Variants in HSPA12B observed in about 807,000 individuals in gnomAD.
The protein encoded by HSPA12B is heat shock protein family A (Hsp70) member 12B, also known as heat shock 70 kDa protein 12B.
Under a neutral mutation model 69.3 loss-of-function variants are expected in HSPA12B, and 54 were observed. That is an observed-to-expected ratio of 0.78 (90% confidence interval 0.63 to 0.98). The LOEUF (loss-of-function observed/expected upper bound fraction) is 0.98. Ranked by LOEUF, HSPA12B falls within the 50% of genes least tolerant of loss-of-function variation. HSPA12B has a pLI of 0.00. For missense variants in HSPA12B, 929 were observed against 999.8 expected (o/e 0.93, Z 0.96); for synonymous variants, 441 against 436.5 (o/e 1.01, Z -0.13).
Position 3,752,029 on chromosome 20 carries a change from G to A in HSPA12B, c.1924G>A (p.Asp642Asn). 1.5e-5 allele frequency: 23 copies of A among 1,557,206 alleles called. No individual in the cohort carries two copies. Among genetic ancestry groups the A allele is most frequent in the Non-Finnish European group, 2.0e-5 (23 of 1,156,856 alleles). Reference sequence around the variant, plus strand: ...GCTTGAGCCCGCCGACTGCGGCCAGGACACCGCCGGCGCGCCTCCCGGCCG... The same window carrying A: ...GCTTGAGCCCGCCGACTGCGGCCAGAACACCGCCGGCGCGCCTCCCGGCCG... Reference protein sequence around the residue: ...LELEPADCGQDTAGAPPGRRE... With the variant: ...LELEPADCGQNTAGAPPGRRE... Residue 642 changes from aspartate (D) to asparagine (N), a missense_variant, in exon 13 of 13, where the codon GAC (aspartate) becomes AAC (asparagine). Physicochemically the swap from Asp to Asn is conservative, Grantham distance 23. Around this residue, in one of 3 missense-constraint regions of HSPA12B, gnomAD observed 448 missense variants for 448.1 expected, o/e 1.00. Coordinates refer to ENST00000254963, the MANE Select transcript of HSPA12B (RefSeq NM_052970.5).
In HSPA12B at chr20:3,749,875, C is replaced by A. The variant is rs2088378392; in HGVS notation, c.1042+21C>A. The stretch of plus-strand genomic sequence containing the variant: ...ATCTGGTGAGTAGCCAGGCGGCGCC[C>A]CGGTACCCAGCGCGACCCGGGCTCC... On this transcript the variant is annotated intron_variant, in intron 10 of 12. Transcript: ENST00000254963. This position sits in a 1 kb window ranked among gnomAD's most constrained non-coding sequence, Gnocchi z 5.5. 1 of 1,577,408 alleles carries A rather than the reference C, an allele frequency of 6.3e-7. No homozygotes were observed. Among genetic ancestry groups the A allele is most frequent in the Non-Finnish European group, 8.6e-7 (1 of 1,161,902 alleles).
chr20:3,736,292 A>G (rs1276806249), intron 1 of HSPA12B, among the ~76,000 whole-genome samples: 1 of 152,146 alleles, frequency 6.6e-6, no homozygotes, highest in Non-Finnish European at 1.5e-5. Flanking sequence ...CATGCCCACA[A>G]CCAGCACCCA....
Position 3,752,800 on chromosome 20 carries a change from G to A in HSPA12B, c.*634G>A, listed in dbSNP as rs1401063437. On this transcript the variant is annotated 3_prime_UTR_variant, in exon 13 of 13. Coordinates refer to ENST00000254963, the MANE Select transcript of HSPA12B (RefSeq NM_052970.5). The stretch of plus-strand genomic sequence containing the variant: ...ATTATTGTGGTGGAGGCAATTATGA[G>A]GGTAGCATTTCTTTCGAGACAAAAC... The A allele has an allele frequency of 6.5e-6, 1 of 153,798 alleles. No homozygotes were observed. Among genetic ancestry groups the A allele is most frequent in the East Asian group, 1.9e-4 (1 of 5,198 alleles). The allele number at this position is 153,798 out of a possible 1,614,324, so 9.5% of individuals were successfully genotyped here.
chr20:3,747,732 G>A (rs2088331439), intron 7 of HSPA12B, among the ~76,000 whole-genome samples: 1 of 152,214 alleles, frequency 6.6e-6, no homozygotes, highest in Non-Finnish European at 1.5e-5. Flanking sequence ...GTGGCCTATG[G>A]CTACCGTCTG....
chr20:3,738,603 T>G, intron 1 of HSPA12B, 55 bp from the exon 2 acceptor site: 1 of 1,510,948 alleles, frequency 6.6e-7, no homozygotes. Context: ...AGCATTCAGA[T>G]GAGGGAACAA....
At chr20:3,738,117 C>T (rs1419356725) in intron 1 of HSPA12B, among the ~76,000 whole-genome samples, 2 of 152,216 alleles carry the variant, frequency 1.3e-5, no homozygotes, top group Non-Finnish European at 2.9e-5. Flanking sequence ...GGTGCACAGG[C>T]CCTGCCTGCA....
rs894506535 is a variant in HSPA12B, at chr20:3,751,824, C to G, written c.1719C>G (p.Val573=). ...VRDGRRWCTD[V]FERFVAAEQS... is the part of the protein sequence containing the mutation. ...ACGGCCGCCGCTGGTGCACCGACGT[C>G]TTCGAGCGCTTCGTGGCCGCCGAGC... Residue 573 remains valine, a synonymous_variant, in exon 13 of 13, where the codon GTC becomes GTG. Transcript: ENST00000254963. 2.0e-6 allele frequency: 3 copies of G among 1,534,166 alleles called. No homozygotes were observed. The African/African-American group carries it at 4.2e-5, about 21-fold the overall frequency.
In HSPA12B at chr20:3,748,247, C is replaced by G. The variant is rs139945617; in HGVS notation, c.706C>G (p.Gln236Glu). The G allele has an allele frequency of 1.1e-5, 18 of 1,595,450 alleles. No individual in the cohort carries two copies. Among genetic ancestry groups the G allele is most frequent in the Non-Finnish European group, 1.5e-5 (17 of 1,169,744 alleles). Residue 236 changes from glutamine (Q) to glutamate (E), a missense_variant, in exon 8 of 13, where the codon CAG becomes GAG. Coordinates refer to ENST00000254963, the MANE Select transcript of HSPA12B (RefSeq NM_052970.5). ...ACTAGTGTCCCGAGAGAATGCAGAGCAGCTACTCATCGCCCTGGAGCCCGA... is the reference window on the plus strand; with the variant it reads ...ACTAGTGTCCCGAGAGAATGCAGAGGAGCTACTCATCGCCCTGGAGCCCGA... ...AGLVSRENAE[Q>E]LLIALEPEAA... is the part of the protein sequence containing the mutation.
chr20:3,743,638 G>A (rs1040202997), intron 4 of HSPA12B, among the ~76,000 whole-genome samples: 2 of 152,090 alleles, frequency 1.3e-5, no homozygotes, highest in Non-Finnish European at 1.5e-5. Context: ...CAGCACATAC[G>A]AAGCTACCAC....
At position 3,745,663 on chromosome 20, in the gene HSPA12B, G is replaced by A; in HGVS notation, c.558+66G>A. The A allele has an allele frequency of 7.0e-7, 1 of 1,421,306 alleles. No homozygotes were observed. Among genetic ancestry groups the A allele is most frequent in the Non-Finnish European group, 9.9e-7 (1 of 1,012,602 alleles). 88.0% of individuals were successfully genotyped at this position (1,421,306 alleles called of 1,614,324 possible). A position where few individuals can be genotyped will look rare whatever the true frequency, so the allele number is the denominator to read the frequency against. On this transcript the variant is annotated intron_variant, in intron 6 of 12. Coordinates refer to ENST00000254963, the MANE Select transcript of HSPA12B (RefSeq NM_052970.5). This position sits in a 1 kb window ranked among gnomAD's most constrained non-coding sequence, Gnocchi z 5.6. ...CCCTATTTTCCCCTCATCCGAAACCGCTCCCCCATCCCGTCCCCGACATTG... is the reference window on the plus strand; with the variant it reads ...CCCTATTTTCCCCTCATCCGAAACCACTCCCCCATCCCGTCCCCGACATTG...
chr20:3,750,732 ACC>A (rs1248113590), intron 11 of HSPA12B, 70 bp from the exon 12 acceptor site: 4 of 1,609,352 alleles, frequency 2.5e-6, no homozygotes, highest in Non-Finnish European at 3.4e-6. Flanking sequence ...GAGAATAAGG[ACC>A]ACGGACCCCA....
Position 3,749,910 on chromosome 20 carries a change from A to T in HSPA12B, c.1042+56A>T. On this transcript the variant is annotated intron_variant, in intron 10 of 12. Transcript: ENST00000254963. This position sits in a 1 kb window ranked among gnomAD's most constrained non-coding sequence, Gnocchi z 5.5. ...GCGCGACCCGGGCTCCGGCCCCGCCACTGCCCCCTGGCGGCCCGGCGAGCG... is the reference window on the plus strand; with the variant it reads ...GCGCGACCCGGGCTCCGGCCCCGCCTCTGCCCCCTGGCGGCCCGGCGAGCG... 1.3e-6 allele frequency: 2 copies of T among 1,552,800 alleles called. No individual in the cohort carries two copies. Among genetic ancestry groups the T allele is most frequent in the Non-Finnish European group, 1.7e-6 (2 of 1,147,802 alleles).
chr20:3,747,430 C>T (rs896685907), intron 7 of HSPA12B, among the ~76,000 whole-genome samples: 23 of 152,308 alleles, frequency 1.5e-4, no homozygotes, highest in Admixed American at 6.5e-4. Flanking sequence ...CCCAGCGTCC[C>T]CTTGCCTATT....
In HSPA12B at chr20:3,752,788, A is replaced by ATATTAT. The variant is rs1322412520; in HGVS notation, c.*622_*623insTATTAT. 4 of 153,916 alleles carry ATATTAT rather than the reference A, an allele frequency of 2.6e-5. No individual in the cohort carries two copies. The highest frequency in any genetic ancestry group is 9.6e-5 in the African/African-American group (4 of 41,546). The allele number at this position is 153,916 out of a possible 1,614,324, so 9.5% of individuals were successfully genotyped here. A position where few individuals can be genotyped will look rare whatever the true frequency, so the allele number is the denominator to read the frequency against. ...GGAGGTGGGAACATTATTGTGGTGG[A>ATATTAT]GGCAATTATGAGGGTAGCATTTCTT... On this transcript the variant is annotated 3_prime_UTR_variant, in exon 13 of 13. Transcript: ENST00000254963.
chr20:3,735,943 G>T (rs2088102647), intron 1 of HSPA12B, among the ~76,000 whole-genome samples: 2 of 152,282 alleles, frequency 1.3e-5, no homozygotes, highest in South Asian at 4.1e-4. Context: ...AAATAAGGCT[G>T]CCAGCTCCTC....
chr20:3,745,645 T>C lies in HSPA12B; in HGVS notation c.558+48T>C. On this transcript the variant is annotated intron_variant, in intron 6 of 12. Transcript: ENST00000254963. This position sits in a 1 kb window ranked among gnomAD's most constrained non-coding sequence, Gnocchi z 5.6. Reference sequence around the variant, plus strand: ...CCGACTGTGGCAGGGACCCCCTATTTTCCCCTCATCCGAAACCGCTCCCCC... The same window carrying C: ...CCGACTGTGGCAGGGACCCCCTATTCTCCCCTCATCCGAAACCGCTCCCCC... 1 of 1,547,258 alleles carries C rather than the reference T, an allele frequency of 6.5e-7. No homozygotes were observed. Among genetic ancestry groups the C allele is most frequent in the East Asian group, 2.2e-5 (1 of 44,504 alleles).
At chr20:3,750,998 A>G in intron 12 of HSPA12B, 91 bp downstream of exon 12, 1 of 1,057,962 alleles carries the variant, frequency 9.5e-7, no homozygotes, top group South Asian at 1.3e-5. Flanking sequence ...ATACCTCCAC[A>G]CATCCATACA....
rs375993303 is a variant in HSPA12B at position 3,740,898 on chromosome 20, C to A, written c.127C>A (p.Pro43Thr). 2.5e-4 allele frequency: 405 copies of A among 1,612,792 alleles called. No individual in the cohort carries two copies. Among genetic ancestry groups the A allele is most frequent in the Non-Finnish European group, 3.3e-4 (390 of 1,179,486 alleles). The change falls in exon 3 of 13, where the codon CCC (proline) becomes ACC (threonine). Residue 43 changes from proline (P) to threonine (T), a missense_variant. This residue lies in a region of HSPA12B where 477 missense variants were observed against 535.2 expected (regional missense o/e 0.89). Transcript: ENST00000254963. The surrounding 1 kb of genome is among the most constrained non-coding windows in gnomAD (Gnocchi z 4.9). Reference sequence around the variant, plus strand: ...AAGCTGCGGCATTGCCCCCCTCACACCCTCGCAGTCTCCAGTAAGCCCAGA... The same window carrying A: ...AAGCTGCGGCATTGCCCCCCTCACAACCTCGCAGTCTCCAGTAAGCCCAGA... Reference protein sequence around the residue: ...QESCGIAPLTPSQSPKPEVRA... With the variant: ...QESCGIAPLTTSQSPKPEVRA...
chr20:3,745,135 G>T lies in HSPA12B; in HGVS notation c.453+47G>T. The stretch of plus-strand genomic sequence containing the variant: ...AGGGAGGCGGGGCCAGCATGGAAAA[G>T]GGCAGGGCTAATGGGGGTGGGTGGG... On this transcript the variant is annotated intron_variant, in intron 5 of 12. Transcript: ENST00000254963. The surrounding 1 kb of genome is among the most constrained non-coding windows in gnomAD (Gnocchi z 5.6). 1 of 1,536,528 alleles carries T rather than the reference G, an allele frequency of 6.5e-7. No homozygotes were observed.
Sources: allele counts gnomAD v4.1 joint callset (sites outside exome capture counted in the v4.1 genomes callset), GRCh38; gene constraint gnomAD v4.1.1; regional missense constraint gnomAD v4.1.1; non-coding constraint Gnocchi (gnomAD v3.1); transcripts MANE v1.5; gene names NCBI Gene and HGNC (gene_info 2026-07-23, HGNC 2026-07-21).